FNTB: variants seen among roughly 807,000 people sequenced by gnomAD.
FNTB encodes protein farnesyltransferase subunit beta.
FNTB carries 27 observed loss-of-function variants against 59.4 expected under a neutral mutation model. That is an observed-to-expected ratio of 0.45 (90% CI 0.34 to 0.63). FNTB has a LOEUF of 0.63. Ranked by LOEUF, FNTB falls within the 20% of genes least tolerant of loss-of-function variation. The pLI is 0.02. For missense variants in FNTB, 449 were observed against 559.6 expected (o/e 0.80, Z 1.99); for synonymous variants, 230 against 220.7 (o/e 1.04, Z -0.37).
At chr14:65,059,750 T>C (rs1458179637) in intron 11 of FNTB, among the ~76,000 whole-genome samples, 1 of 152,010 alleles carries the variant, frequency 6.6e-6, no homozygotes, top group Admixed American at 6.5e-5. Flanking sequence ...AACATCTATT[T>C]AATTTAAATT....
At chr14:64,992,331 C>T (rs1405189902) in intron 1 of FNTB, among the ~76,000 whole-genome samples, 1 of 152,170 alleles carries the variant, frequency 6.6e-6, no homozygotes, top group East Asian at 1.9e-4. Context: ...ACAAAATTTA[C>T]ATTTAAATTT....
rs779602842 is a variant in FNTB at position 64,987,054 on chromosome 14, G to A, written c.101G>A (p.Arg34Gln). The change falls in exon 1 of 12, where the codon CGG (arginine) becomes CAG (glutamine). Residue 34 changes from arginine to glutamine, a missense_variant. Arg to Gln is a conservative substitution (Grantham distance 43). Around this residue, in one of 2 missense-constraint regions of FNTB, gnomAD observed 112 missense variants for 80.5 expected, o/e 1.39. Transcript: ENST00000246166. ...CTGAGGCCCGAGCACGCGCGAGAGC[G>A]GTTGCAGGACGACTCGGTGGAAACA... ...YSLRPEHARE[R>Q]LQDDSVETVT... The A allele has an allele frequency of 1.9e-6, 3 of 1,614,114 alleles. No homozygotes were observed. Among genetic ancestry groups the A allele is most frequent in the Admixed American group, 1.7e-5 (1 of 60,012 alleles).
At position 65,053,293 on chromosome 14, in the gene FNTB, G is replaced by A. The variant is rs771435435; in HGVS notation, c.1011G>A (p.Glu337=). Residue 337 remains glutamate (E), a synonymous_variant, in exon 10 of 12, where the codon GAG becomes GAA. Transcript: ENST00000246166. ...TGTTCCATCAGCAGGCCCTGCAGGA[G>A]TACATCCTGATGTGCTGCCAGTGCC... is the stretch of plus-strand genomic sequence containing the variant. ...HWMFHQQALQ[E]YILMCCQCPA... is the part of the protein sequence containing the mutation. 3.3e-5 allele frequency: 48 copies of A among 1,468,612 alleles called. No individual in the cohort carries two copies. Among genetic ancestry groups the A allele is most frequent in the Non-Finnish European group, 4.3e-5 (47 of 1,103,022 alleles). The allele number at this position is 1,468,612 out of a possible 1,614,324, so 91.0% of individuals were successfully genotyped here.
rs1454248008 is a variant in FNTB, at chr14:65,004,227, C to T, written c.145-22C>T. The T allele has an allele frequency of 3.1e-6, 5 of 1,611,184 alleles. No individual in the cohort carries two copies. In the East Asian group the frequency reaches 6.7e-5, roughly 22 times the overall value. ...CTCATCTGTATTTGTTTTCTCTCTC[C>T]TATCTCCTGCATCCTTACCAGGCAA... On this transcript the variant is annotated intron_variant, in intron 1 of 11. Transcript: ENST00000246166.
At chr14:65,058,088 T>C (rs1379267077) in intron 11 of FNTB, among the ~76,000 whole-genome samples, 1 of 151,364 alleles carries the variant, frequency 6.6e-6, no homozygotes, top group Non-Finnish European at 1.5e-5. Context: ...CACTACATTT[T>C]AGATTAATAG....
Position 65,012,453 on chromosome 14 carries a change from T to C in FNTB, c.282+64T>C. 1.9e-6 allele frequency: 3 copies of C among 1,603,506 alleles called. No homozygotes were observed. Among genetic ancestry groups the C allele is most frequent in the Non-Finnish European group, 1.7e-6 (2 of 1,172,398 alleles). ...CCACCAAATCCTCCTCCTTTTTCTA[T>C]TTAAACGTAAAAGACTGTTGGGGCT... On this transcript the variant is annotated intron_variant, in intron 3 of 11. Transcript: ENST00000246166. The surrounding 1 kb of genome is among the most constrained non-coding windows in gnomAD (Gnocchi z 5.0).
intron 1 of FNTB, among the ~76,000 whole-genome samples, chr14:65,000,639 T>C (rs528329461): frequency 1.3e-5 from 2 of 151,270 alleles, no homozygotes; most frequent in Non-Finnish European, 3.0e-5. Context: ...GCTAACATGG[T>C]GAAACCCCTT....
intron 4 of FNTB, among the ~76,000 whole-genome samples, chr14:65,021,635 T>C (rs561755977): frequency 6.6e-6 from 1 of 152,242 alleles, no homozygotes; most frequent in East Asian, 1.9e-4. Context: ...TGAGAAACTC[T>C]GCTCTAAAGT....
At chr14:65,049,038 A>T (rs2062549955) in intron 9 of FNTB, among the ~76,000 whole-genome samples, 1 of 151,918 alleles carries the variant, frequency 6.6e-6, no homozygotes, top group Admixed American at 6.6e-5. Context: ...GAGGCAGGAG[A>T]ATCCCTTGAA....
chr14:65,044,442 A>T lies in FNTB; in HGVS notation c.954A>T (p.Gln318His). 6.2e-7 allele frequency: 1 copy of T among 1,606,410 alleles called. No homozygotes were observed. Residue 318 changes from glutamine to histidine, a missense_variant and splice_region_variant, in exon 9 of 12, where the codon CAA (glutamine) becomes CAT (histidine). Gln to His is a conservative substitution (Grantham distance 24, BLOSUM62 0). Transcript: ENST00000246166. This position sits in a 1 kb window ranked among gnomAD's most constrained non-coding sequence, Gnocchi z 5.5. ...LPLLHRALHA[Q>H]GDPALSMSHW... The stretch of plus-strand genomic sequence containing the variant: ...TGCTCCACCGCGCACTGCACGCCCA[A>T]GGTGAGCCTGGGGAGCTGTTCACTT...
At chr14:64,999,925 T>C (rs1207333425) in intron 1 of FNTB, among the ~76,000 whole-genome samples, 2 of 152,224 alleles carry the variant, frequency 1.3e-5, no homozygotes, top group African/African-American at 4.8e-5. Flanking sequence ...ATTTTCCACC[T>C]TGTGGTATGA....
Position 64,991,757 on chromosome 14 carries a change from G to A in FNTB, c.144+4660G>A, listed in dbSNP as rs1355596720. ...TGGAGAACGTGGAACTGGGTGGGCT[G>A]TAAAAAATAGAGTTTGGGGCAGCCA... is the stretch of plus-strand genomic sequence containing the variant. On this transcript the variant is annotated intron_variant, in intron 1 of 11. Transcript: ENST00000246166. This position sits in a 1 kb window ranked among gnomAD's most constrained non-coding sequence, Gnocchi z 4.4. Among the ~76,000 whole-genome samples the A allele has an allele frequency of 6.6e-6, 1 of 152,166 alleles. No homozygotes were observed. The highest frequency in any genetic ancestry group is 1.5e-5 in the Non-Finnish European group (1 of 68,014).
At chr14:64,993,277 A>C (rs1888273491) in intron 1 of FNTB, among the ~76,000 whole-genome samples, 1 of 152,236 alleles carries the variant, frequency 6.6e-6, no homozygotes, top group Non-Finnish European at 1.5e-5. Context: ...AAAGTAAAAA[A>C]TGAATAAACA....
Position 65,014,084 on chromosome 14 carries a change from G to GCTTGGGCTGAT in FNTB, c.283-1541_283-1540insCTTGGGCTGAT, listed in dbSNP as rs2061729248. ...TGGGATATCAGCATAGTTTTGAAGA[G>GCTTGGGCTGAT]AGCAGCTTGGGCCAACGGAAAGAAC... On this transcript the variant is annotated intron_variant, in intron 3 of 11. Transcript: ENST00000246166. The surrounding 1 kb of genome is among the most constrained non-coding windows in gnomAD (Gnocchi z 5.1). Among the ~76,000 whole-genome samples, 2 of 152,200 alleles carry GCTTGGGCTGAT rather than the reference G, an allele frequency of 1.3e-5. No homozygotes were observed. Among genetic ancestry groups the GCTTGGGCTGAT allele is most frequent in the Non-Finnish European group, 2.9e-5 (2 of 68,044 alleles).
At chr14:64,996,139 A>AAC (rs1484909430) in intron 1 of FNTB, among the ~76,000 whole-genome samples, 3 of 151,034 alleles carry the variant, frequency 2.0e-5, no homozygotes, top group Non-Finnish European at 4.4e-5. Flanking sequence ...AAAAAAAAAA[A>AAC]AGAAAAAAGA....
rs1038736701 is a variant in FNTB, at chr14:65,047,029, A to G, written c.955+2586A>G. On this transcript the variant is annotated intron_variant, in intron 9 of 11. Coordinates refer to ENST00000246166, the MANE Select transcript of FNTB (RefSeq NM_002028.4). This position sits in a 1 kb window ranked among gnomAD's most constrained non-coding sequence, Gnocchi z 5.2. Reference sequence around the variant, plus strand: ...AATTTCTTTAATTTGAAAAAAAATCATACAAACCAGTAAGAAATGGATGGA... The same window carrying G: ...AATTTCTTTAATTTGAAAAAAAATCGTACAAACCAGTAAGAAATGGATGGA... 3.3e-5 allele frequency among the ~76,000 whole-genome samples: 5 copies of G among 152,218 alleles called. No homozygotes were observed. Among genetic ancestry groups the G allele is most frequent in the Admixed American group, 2.0e-4 (3 of 15,286 alleles).
intron 2 of FNTB, among the ~76,000 whole-genome samples, chr14:65,004,722 G>A (rs2061554724): frequency 6.6e-6 from 1 of 151,948 alleles, no homozygotes; most frequent in South Asian, 2.1e-4. Context: ...GGGTGCAGTG[G>A]CACAATCTCG....
chr14:64,993,688 A>G (rs1037832703), intron 1 of FNTB, among the ~76,000 whole-genome samples: 1 of 152,210 alleles, frequency 6.6e-6, no homozygotes, highest in Non-Finnish European at 1.5e-5. Context: ...AGATATAGGA[A>G]GCAGAGAAGT....
chr14:65,012,171 CAG>C lies in FNTB; in HGVS notation c.210-142_210-141del, dbSNP rs1251318747. ...CTCTGGTTTAGTTGCTCTTTGGAAC[CAG>C]AGAAGTTGCTGGTTATCCAGTCAGT... On this transcript the variant is annotated intron_variant, in intron 2 of 11. Transcript: ENST00000246166. This position sits in a 1 kb window ranked among gnomAD's most constrained non-coding sequence, Gnocchi z 5.0. 16 of 899,266 alleles carry C rather than the reference CAG, an allele frequency of 1.8e-5. No individual in the cohort carries two copies. Among genetic ancestry groups the C allele is most frequent in the Non-Finnish European group, 2.7e-5 (16 of 587,194 alleles). The allele number at this position is 899,266 out of a possible 1,614,324, so 55.7% of individuals were successfully genotyped here.
Sources: gnomAD v4.1 joint callset for allele counts (sites outside exome capture counted in the v4.1 genomes callset) on GRCh38, gnomAD v4.1.1 for gene constraint, gnomAD v4.1.1 regional missense constraint, Gnocchi (gnomAD v3.1) non-coding constraint, MANE v1.5 for transcripts, NCBI Gene and HGNC (gene_info 2026-07-23, HGNC 2026-07-21) for gene names.